Variants in SLC39A11 observed in about 807,000 individuals in gnomAD.
SLC39A11 encodes solute carrier family 39 member 11.
SLC39A11 carries 33 observed loss-of-function variants against 36.1 expected under a neutral mutation model. The observed-to-expected ratio is 0.91, with a 90% CI of 0.69 to 1.22. The LOEUF (loss-of-function observed/expected upper bound fraction) is 1.22, where lower values mean the gene tolerates loss of function less well. Among genes scored for constraint, SLC39A11 ranks in the 50% most tolerant of loss-of-function variants. The probability of loss-of-function intolerance (pLI) is 0.00; values close to 1 mark genes in which losing one functional copy is unlikely to be tolerated. For missense variants in SLC39A11, 432 were observed against 430.3 expected (o/e 1.00, Z -0.03); for synonymous variants, 166 against 170.3 (o/e 0.97, Z 0.20).
intron 4 of SLC39A11, among the ~76,000 whole-genome samples, chr17:73,026,176 G>A (rs367922888): frequency 5.8e-5 from 6 of 103,226 alleles, no homozygotes; most frequent in African/African-American, 2.2e-4. Context: ...GAGAGGAGAG[G>A]AGAAAGAGAA....
intron 3 of SLC39A11, among the ~76,000 whole-genome samples, chr17:73,063,763 A>G (rs2059917285): frequency 6.6e-6 from 1 of 152,254 alleles, no homozygotes; most frequent in Non-Finnish European, 1.5e-5. Context: ...TCCTGAGCCC[A>G]TAAGATGCAA....
intron 5 of SLC39A11, among the ~76,000 whole-genome samples, chr17:72,942,055 A>AT (rs1409598606): frequency 1.9e-5 from 2 of 102,872 alleles, no homozygotes; most frequent in East Asian, 6.1e-4. Context: ...TAATTTTTGT[A>AT]TTATTATTAT....
chr17:72,818,673 G>C (rs1430103322), intron 6 of SLC39A11, among the ~76,000 whole-genome samples: 1 of 152,060 alleles, frequency 6.6e-6, no homozygotes, highest in Non-Finnish European at 1.5e-5. Context: ...AAGCTAATAG[G>C]AATTCTAGTC....
At chr17:72,777,861 G>A (rs199993043) in intron 6 of SLC39A11, among the ~76,000 whole-genome samples, 6 of 95,060 alleles carry the variant, frequency 6.3e-5, no homozygotes, top group South Asian at 3.7e-4. Flanking sequence ...ATGTATGTAT[G>A]TATGTATATA....
chr17:72,984,970 T>G (rs370448712), intron 4 of SLC39A11, among the ~76,000 whole-genome samples: 34 of 152,350 alleles, frequency 2.2e-4, no homozygotes, highest in African/African-American at 7.9e-4. Flanking sequence ...GAATCAATTT[T>G]CTCTGGTTAG....
intron 3 of SLC39A11, among the ~76,000 whole-genome samples, chr17:73,079,711 G>A (rs550965780): frequency 6.6e-6 from 1 of 152,264 alleles, no homozygotes; most frequent in South Asian, 2.1e-4. Context: ...AAACATCGCT[G>A]TTTGCCGACG....
intron 5 of SLC39A11, chr17:72,947,501 G>A (rs1281747506): frequency 1.3e-5 from 7 of 543,400 alleles, no homozygotes; most frequent in Admixed American, 3.1e-5. Context: ...TGTCCAAGTC[G>A]AAAAGATGAT....
At chr17:72,914,414 G>A (rs2083218227) in intron 5 of SLC39A11, among the ~76,000 whole-genome samples, 1 of 152,132 alleles carries the variant, frequency 6.6e-6, no homozygotes, top group Admixed American at 6.5e-5. Context: ...CAGTGATATA[G>A]TATTAGGTAT....
intron 7 of SLC39A11, among the ~76,000 whole-genome samples, chr17:72,691,196 C>A (rs1042542365): frequency 5.3e-5 from 8 of 152,266 alleles, no homozygotes; most frequent in Admixed American, 3.9e-4. Context: ...TTCAGAAGTG[C>A]AATCCTCACA....
intron 3 of SLC39A11, among the ~76,000 whole-genome samples, chr17:73,078,396 T>C (rs2060398081): frequency 6.6e-6 from 1 of 152,044 alleles, no homozygotes; most frequent in Non-Finnish European, 1.5e-5. Flanking sequence ...TATAGATAGA[T>C]AGGTAGGTAG....
chr17:72,717,857 A>C (rs2073473775), intron 7 of SLC39A11, among the ~76,000 whole-genome samples: 1 of 152,112 alleles, frequency 6.6e-6, no homozygotes, highest in Non-Finnish European at 1.5e-5. Context: ...GCTGTCTAGG[A>C]GGTGAGGCTG....
intron 5 of SLC39A11, among the ~76,000 whole-genome samples, chr17:72,888,070 G>T (rs1184639553): frequency 1.3e-5 from 2 of 152,150 alleles, no homozygotes; most frequent in Non-Finnish European, 2.9e-5. Context: ...CTGTTTTTGT[G>T]ATTTGAGATG....
intron 7 of SLC39A11, among the ~76,000 whole-genome samples, chr17:72,728,994 T>C (rs2074044343): frequency 6.6e-6 from 1 of 152,176 alleles, no homozygotes; most frequent in South Asian, 2.1e-4. Flanking sequence ...ATCCAGTATC[T>C]TCTTCATTGC....
In SLC39A11 at chr17:72,810,548, A is replaced by G. The variant is rs1376990460; in HGVS notation, c.601+39086T>C. Among the ~76,000 whole-genome samples the G allele has an allele frequency of 2.6e-5, 4 of 152,230 alleles. No individual in the cohort carries two copies. In the East Asian group the frequency reaches 7.7e-4, roughly 29 times the overall value. On this transcript the variant is annotated intron_variant, in intron 6 of 9. Coordinates refer to ENST00000255559, the MANE Select transcript of SLC39A11 (RefSeq NM_139177.4). The stretch of plus-strand genomic sequence containing the variant: ...ATTCCAGAGCAGGTGGAACCTATCT[A>G]TGGTAAAAAGAATTAGAATACTAAT...
At chr17:73,002,540 A>G (rs2089880748) in intron 4 of SLC39A11, among the ~76,000 whole-genome samples, 3 of 152,212 alleles carry the variant, frequency 2.0e-5, no homozygotes, top group Admixed American at 2.0e-4. Flanking sequence ...AGCTGGTCAG[A>G]CAGGGTCAGA....
intron 6 of SLC39A11, among the ~76,000 whole-genome samples, chr17:72,758,086 A>G (rs1199545044): frequency 6.6e-6 from 1 of 152,048 alleles, no homozygotes; most frequent in African/African-American, 2.4e-5. Flanking sequence ...GGGTTTCACC[A>G]TGTTGGCCAG....
intron 4 of SLC39A11, among the ~76,000 whole-genome samples, chr17:72,998,983 G>T (rs2089672148): frequency 6.6e-6 from 1 of 152,198 alleles, no homozygotes; most frequent in Non-Finnish European, 1.5e-5. Flanking sequence ...CACATACCAA[G>T]AGTGGTTTCA....
chr17:72,900,107 GA>G lies in SLC39A11; in HGVS notation c.430+47644del, dbSNP rs1379134929. Among the ~76,000 whole-genome samples, 473 of 70,354 alleles carry G rather than the reference GA, an allele frequency of 6.7e-3. 79 individuals carry two copies. The highest frequency in any genetic ancestry group is 0.037 in the African/African-American group (443 of 12,060). The allele number at this position is 70,354 out of a possible 152,430, so 46.2% of individuals were successfully genotyped here. On this transcript the variant is annotated intron_variant, in intron 5 of 9. Transcript: ENST00000255559. ...GAAAGAGAAAGAGAAAAGAAAGAAA[GA>G]AAAAGAAAGAAAGAAAAGAAAGAAA...
chr17:72,898,315 C>T (rs1302915284), intron 5 of SLC39A11, among the ~76,000 whole-genome samples: 1 of 152,196 alleles, frequency 6.6e-6, no homozygotes, highest in African/African-American at 2.4e-5. Context: ...ATGAGCAACA[C>T]AGAGAATTGA....
Sources: gnomAD v4.1 joint callset for allele counts (sites outside exome capture counted in the v4.1 genomes callset) on GRCh38, gnomAD v4.1.1 for gene constraint, MANE v1.5 for transcripts, NCBI Gene and HGNC (gene_info 2026-07-23, HGNC 2026-07-21) for gene names.